The following F8 variants were observed in gnomAD, a reference collection of about 807,000 sequenced individuals.
F8 encodes coagulation factor VIII.
Under a neutral mutation model 140.6 loss-of-function variants are expected in F8, and 12 were observed. The observed-to-expected ratio is 0.09, with a 90% CI of 0.05 to 0.14. The LOEUF (loss-of-function observed/expected upper bound fraction) is 0.14. F8 is among the 10% of genes least tolerant of loss of function. F8 has a pLI of 1.00. For synonymous variants in F8, 585 were observed against 614.6 expected, an observed-to-expected ratio of 0.95 and a Z score of 0.71; for missense variants, 1,354 against 1,720.7, an observed-to-expected ratio of 0.79 and a Z score of 3.77.
At chrX:154,922,146 T>A (rs1440422807) in intron 14 of F8, among the ~76,000 whole-genome samples, 1 of 112,702 alleles carries the variant, frequency 8.9e-6, no homozygotes, top group Non-Finnish European at 1.9e-5. Context: ...TCTTTAATTA[T>A]ACCCAACATC....
At position 154,912,484 on chromosome X, in the gene F8, G is replaced by A. The variant is rs189654408; in HGVS notation, c.5220-5911C>T. On this transcript the variant is annotated intron_variant, in intron 14 of 25. Coordinates refer to ENST00000360256, the MANE Select transcript of F8 (RefSeq NM_000132.4). ...ATTCTTTCACCAATGCATATTCTTG[G>A]CACTTTGTCAAAAATGAGTTGGCTC... Among the ~76,000 whole-genome samples the A allele has an allele frequency of 2.3e-3, 262 of 112,110 alleles. 1 individual carries two copies. The highest frequency in any genetic ancestry group is 8.2e-3 in the African/African-American group (254 of 30,876).
chrX:154,996,030 T>A (rs2073615318), intron 3 of F8, among the ~76,000 whole-genome samples: 2 of 111,462 alleles, frequency 1.8e-5, no homozygotes, highest in African/African-American at 6.5e-5. Flanking sequence ...TATCTCCCCA[T>A]AATTGTGATT....
chrX:154,956,273 C>G (rs1415651206), intron 11 of F8, among the ~76,000 whole-genome samples: 2 of 111,689 alleles, frequency 1.8e-5, no homozygotes, highest in African/African-American at 3.3e-5. Context: ...ACAATTTGTG[C>G]AGATAACGCA....
At chrX:154,839,363 A>ATT (rs782394922) in intron 25 of F8, among the ~76,000 whole-genome samples, 16 of 95,360 alleles carry the variant, frequency 1.7e-4, no homozygotes, top group East Asian at 1.7e-3. Context: ...TTCTGCCTCA[A>ATT]TTTTTTTTTT....
chrX:154,951,255 AT>A (rs2073336280), intron 12 of F8, among the ~76,000 whole-genome samples: 1 of 111,988 alleles, frequency 8.9e-6, no homozygotes, highest in Non-Finnish European at 1.9e-5. Flanking sequence ...AAATCCTACA[AT>A]TTTTTAAAAC....
intron 1 of F8, among the ~76,000 whole-genome samples, chrX:155,019,026 C>T (rs2073747836): frequency 2.7e-5 from 3 of 112,070 alleles, no homozygotes; most frequent in Non-Finnish European, 5.6e-5. Flanking sequence ...ATAGAACCCA[C>T]TAATGATCAA....
intron 14 of F8, among the ~76,000 whole-genome samples, chrX:154,910,548 G>C (rs1488358787): frequency 9.0e-6 from 1 of 111,627 alleles, no homozygotes; most frequent in African/African-American, 3.3e-5. Context: ...ATGTACCCTA[G>C]AACTTAAAGT....
intron 1 of F8, among the ~76,000 whole-genome samples, chrX:155,007,327 A>G (rs1030387586): frequency 8.9e-6 from 1 of 112,845 alleles, no homozygotes; most frequent in Non-Finnish European, 1.9e-5. Flanking sequence ...CTGGCAAGAC[A>G]TGAGCTAAGT....
intron 6 of F8, among the ~76,000 whole-genome samples, chrX:154,982,372 C>T (rs1338331025): frequency 4.0e-5 from 4 of 100,851 alleles, no homozygotes; most frequent in Non-Finnish European, 8.0e-5. Context: ...GCGTGAACCC[C>T]GGGGGGCAGA....
chrX:154,941,257 T>C (rs1302625090), intron 13 of F8, among the ~76,000 whole-genome samples: 1 of 111,678 alleles, frequency 9.0e-6, no homozygotes, highest in Non-Finnish European at 1.9e-5. Context: ...CAGTGTGCTG[T>C]ATTCAGGAAA....
chrX:154,987,101 T>C (rs1008749764), intron 5 of F8, 136 bp downstream of exon 5: 1 of 514,001 alleles, frequency 1.9e-6, no homozygotes, highest in Non-Finnish European at 3.2e-6. Context: ...TTTTGTTTTC[T>C]TGGAATTCAT....
chrX:155,016,897 C>T (rs1258500738), intron 1 of F8, among the ~76,000 whole-genome samples: 3 of 112,336 alleles, frequency 2.7e-5, no homozygotes, highest in African/African-American at 9.7e-5. Flanking sequence ...ATACCTGTGG[C>T]AGGTAAAAAT....
chrX:154,949,866 C>T, intron 12 of F8, among the ~76,000 whole-genome samples: 1 of 110,217 alleles, frequency 9.1e-6, no homozygotes, highest in South Asian at 4.1e-4. Context: ...CTCCTGGGTT[C>T]AAGCAATCTT....
intron 25 of F8, among the ~76,000 whole-genome samples, chrX:154,849,047 G>A (rs2072593618): frequency 9.0e-6 from 1 of 111,489 alleles, no homozygotes; most frequent in Non-Finnish European, 1.9e-5. Context: ...GACGAGAGAT[G>A]TGTTAAAATC....
Position 154,949,005 on chromosome X carries a change from G to C in F8, c.1904-1098C>G, listed in dbSNP as rs193157824. ...AAGTTGAAACTTAATATATAATAAAGGCAGCATCTCCAACCAGTACAGGAA... is the reference window on the plus strand; with the variant it reads ...AAGTTGAAACTTAATATATAATAAACGCAGCATCTCCAACCAGTACAGGAA... On this transcript the variant is annotated intron_variant, in intron 12 of 25. Coordinates refer to ENST00000360256, the MANE Select transcript of F8 (RefSeq NM_000132.4). 1.3e-4 allele frequency among the ~76,000 whole-genome samples: 15 copies of C among 111,782 alleles called. 1 individual carries two copies. The East Asian group carries it at 4.2e-3, about 31-fold the overall frequency.
At chrX:154,905,149 G>A (rs782735118) in intron 15 of F8, 126 bp from the exon 16 acceptor site, 3 of 517,039 alleles carry the variant, frequency 5.8e-6, no homozygotes, top group Admixed American at 3.4e-5. Context: ...TTAATACCCT[G>A]GAAGAAGTGG....
At chrX:154,877,678 T>G in intron 22 of F8, among the ~76,000 whole-genome samples, 1 of 111,071 alleles carries the variant, frequency 9.0e-6, no homozygotes, top group Non-Finnish European at 1.9e-5. Flanking sequence ...CAGAAAGAAA[T>G]GCAGCCCTGA....
intron 15 of F8, 54 bp from the exon 16 acceptor site, chrX:154,905,077 T>C: frequency 2.0e-6 from 2 of 996,288 alleles, no homozygotes; most frequent in Non-Finnish European, 2.8e-6. Flanking sequence ...TCTAGGATCT[T>C]AAGGTCCTTA....
At position 155,012,154 on chromosome X, in the gene F8, A is replaced by G. The variant is rs1321856297; in HGVS notation, c.143+10256T>C. Among the ~76,000 whole-genome samples, 33 of 112,513 alleles carry G rather than the reference A, an allele frequency of 2.9e-4. No individual in the cohort carries two copies. The Admixed American group carries it at 3.0e-3, about 10-fold the overall frequency. On this transcript the variant is annotated intron_variant, in intron 1 of 25. Coordinates refer to ENST00000360256, the MANE Select transcript of F8 (RefSeq NM_000132.4). ...TGGTGAATTTTATGATATGTAAAGT[A>G]TATGTCAATAAAAATGTGGAGATTT...
Sources: allele counts gnomAD v4.1 joint callset (sites outside exome capture counted in the v4.1 genomes callset), GRCh38; gene constraint gnomAD v4.1.1; transcripts MANE v1.5; gene names NCBI Gene and HGNC (gene_info 2026-07-23, HGNC 2026-07-21).